Variants in RB1CC1 observed in about 807,000 individuals in gnomAD.
The protein encoded by RB1CC1 is RB1 inducible coiled-coil 1.
RB1CC1 carries 46 observed loss-of-function variants against 177.5 expected under a neutral mutation model. The ratio of observed to expected loss-of-function variants is 0.26; its 90% CI spans 0.20 to 0.33. The LOEUF (loss-of-function observed/expected upper bound fraction) is 0.33, where lower values mean the gene tolerates loss of function less well. RB1CC1 is among the 10% of genes least tolerant of loss of function. The pLI is 1.00. For missense variants in RB1CC1, 1,703 were observed against 1,816.3 expected (o/e 0.94, Z 1.13); for synonymous variants, 666 against 613.6 (o/e 1.09, Z -1.26).
chr8:52,692,650 A>C (rs1185215400), intron 1 of RB1CC1, among the ~76,000 whole-genome samples: 1 of 152,208 alleles, frequency 6.6e-6, no homozygotes, highest in Non-Finnish European at 1.5e-5. Flanking sequence ...TGAACATACT[A>C]CATTAAAATC....
intron 6 of RB1CC1, among the ~76,000 whole-genome samples, 184 bp from the exon 7 acceptor site, chr8:52,674,458 A>G (rs1852897707): frequency 6.6e-6 from 1 of 152,186 alleles, no homozygotes; most frequent in Non-Finnish European, 1.5e-5. Flanking sequence ...GAGAGAGGCT[A>G]TCGTTAACCC....
At chr8:52,631,407 T>C (rs767240936) in intron 20 of RB1CC1, among the ~76,000 whole-genome samples, 17 of 152,110 alleles carry the variant, frequency 1.1e-4, no homozygotes, top group Non-Finnish European at 2.1e-4. Flanking sequence ...AGGCAGAGGT[T>C]AGAAGTATAA....
intron 6 of RB1CC1, among the ~76,000 whole-genome samples, chr8:52,675,492 A>G (rs1328395220): frequency 1.3e-5 from 2 of 152,122 alleles, no homozygotes; most frequent in African/African-American, 4.8e-5. Flanking sequence ...CAGGTTAACT[A>G]CAGCCCTTTT....
chr8:52,683,603 A>G lies in RB1CC1; in HGVS notation c.315T>C (p.Ser105=). 1 of 1,611,666 alleles carries G rather than the reference A, an allele frequency of 6.2e-7. No individual in the cohort carries two copies. The highest frequency in any genetic ancestry group is 1.7e-5 in the Admixed American group (1 of 59,532). The change falls in exon 5 of 24, where the codon TCT becomes TCC. Residue 105 remains serine, a synonymous_variant. Coordinates refer to ENST00000025008, the MANE Select transcript of RB1CC1 (RefSeq NM_014781.5). ...ENDMEIKVEE[S]LMMPAVFHTV... ...TATGAAAAACTGCAGGCATCATAAGAGATTCTTCAACTTTTATTTCCATGT... is the reference window on the plus strand; with the variant it reads ...TATGAAAAACTGCAGGCATCATAAGGGATTCTTCAACTTTTATTTCCATGT...
intron 1 of RB1CC1, among the ~76,000 whole-genome samples, chr8:52,708,537 CAAACA>C (rs1366180752): frequency 4.7e-5 from 7 of 149,766 alleles, no homozygotes. Flanking sequence ...AACAAACAAA[CAAACA>C]AAAGTCCAAG....
chr8:52,656,217 T>C lies in RB1CC1; in HGVS notation c.3612A>G (p.Lys1204=). Residue 1204 remains lysine, a synonymous_variant, in exon 15 of 24, where the codon AAA becomes AAG. Coordinates refer to ENST00000025008, the MANE Select transcript of RB1CC1 (RefSeq NM_014781.5). ...KDEKITQQEE[K]YEAIIQNLEK... ...CAAGGTTCTGGATAATAGCTTCGTA[T>C]TTCTCTTCTTGTTGGGTAATTTTTT... is the stretch of plus-strand genomic sequence containing the variant. 1.9e-6 allele frequency: 3 copies of C among 1,613,540 alleles called. No individual in the cohort carries two copies. Among genetic ancestry groups the C allele is most frequent in the Non-Finnish European group, 2.5e-6 (3 of 1,179,840 alleles).
At chr8:52,664,478 T>C (rs1851892974) in intron 8 of RB1CC1, among the ~76,000 whole-genome samples, 1 of 152,188 alleles carries the variant, frequency 6.6e-6, no homozygotes, top group African/African-American at 2.4e-5. Flanking sequence ...AAAGTAACAA[T>C]ATTACCTATA....
intron 18 of RB1CC1, among the ~76,000 whole-genome samples, chr8:52,638,878 A>G (rs1849352296): frequency 6.6e-6 from 1 of 152,150 alleles, no homozygotes; most frequent in Non-Finnish European, 1.5e-5. Flanking sequence ...GTAGATTTCC[A>G]TATATATCCA....
At chr8:52,661,037 A>AACAT in intron 10 of RB1CC1, 30 bp from the exon 11 acceptor site, 1 of 1,611,430 alleles carries the variant, frequency 6.2e-7, no homozygotes, top group Non-Finnish European at 8.5e-7. Flanking sequence ...GTTAAACATA[A>AACAT]ACATACACCA....
chr8:52,652,707 A>G (rs1170097289), intron 15 of RB1CC1, among the ~76,000 whole-genome samples: 1 of 152,152 alleles, frequency 6.6e-6, no homozygotes, highest in Non-Finnish European at 1.5e-5. Context: ...AGATTATATG[A>G]ATAAGTCTGT....
chr8:52,651,554 A>G (rs890866172), intron 15 of RB1CC1, among the ~76,000 whole-genome samples: 3 of 152,254 alleles, frequency 2.0e-5, no homozygotes, highest in African/African-American at 7.2e-5. Flanking sequence ...GGACAAGTGA[A>G]GTCAGAACTG....
intron 7 of RB1CC1, among the ~76,000 whole-genome samples, chr8:52,670,233 G>A (rs1331507280): frequency 1.3e-5 from 2 of 152,140 alleles, no homozygotes; most frequent in African/African-American, 4.8e-5. Context: ...GTGCCCAGCT[G>A]ACTTCCTAAA....
At position 52,642,790 on chromosome 8, in the gene RB1CC1, G is replaced by A; in HGVS notation, c.4010C>T (p.Thr1337Ile). 2 of 1,561,612 alleles carry A rather than the reference G, an allele frequency of 1.3e-6. No homozygotes were observed. The highest frequency in any genetic ancestry group is 1.2e-5 in the South Asian group (1 of 81,120). Residue 1337 changes from threonine to isoleucine, a missense_variant, in exon 17 of 24, where the codon ACA becomes ATA. By Grantham distance (89) the Thr-to-Ile change is moderately conservative. Transcript: ENST00000025008. ...EQQTNFNTVL[T>I]REKMRKENII... The stretch of plus-strand genomic sequence containing the variant: ...GTTTTCTTTTCTCATTTTCTCTCTT[G>A]TTAAAACAGTGTTAAAATTGGTCTG...
chr8:52,691,323 G>A (rs1319720217), intron 1 of RB1CC1, among the ~76,000 whole-genome samples: 1 of 152,130 alleles, frequency 6.6e-6, no homozygotes, highest in Admixed American at 6.5e-5. Flanking sequence ...GCAGCTGTGT[G>A]CCTTTAAACA....
chr8:52,647,052 T>C (rs1429437123), intron 15 of RB1CC1, among the ~76,000 whole-genome samples: 1 of 152,188 alleles, frequency 6.6e-6, no homozygotes, highest in Non-Finnish European at 1.5e-5. Context: ...TGGGCATGTA[T>C]TTAAAATGTT....
intron 1 of RB1CC1, 120 bp from the exon 2 acceptor site, chr8:52,687,087 C>G (rs1854336888): frequency 2.7e-6 from 1 of 369,066 alleles, no homozygotes; most frequent in South Asian, 2.1e-5. Context: ...TCAGGCCCTT[C>G]TACTTGCACA....
chr8:52,682,547 TTC>T (rs1262111180), intron 5 of RB1CC1, among the ~76,000 whole-genome samples: 2 of 152,318 alleles, frequency 1.3e-5, no homozygotes, highest in East Asian at 1.9e-4. Flanking sequence ...ATTTTATCTT[TTC>T]TTTTTACTTT....
chr8:52,641,966 T>A (rs1233174323), intron 18 of RB1CC1, among the ~76,000 whole-genome samples: 2 of 151,938 alleles, frequency 1.3e-5, no homozygotes, highest in African/African-American at 4.8e-5. Flanking sequence ...AAACAAATAA[T>A]AATAATAATA....
chr8:52,713,069 A>G (rs1255081544), intron 1 of RB1CC1, among the ~76,000 whole-genome samples: 2 of 152,220 alleles, frequency 1.3e-5, no homozygotes, highest in Non-Finnish European at 2.9e-5. Flanking sequence ...GTCCAAACTT[A>G]TGTATAAATC....
Sources: allele counts gnomAD v4.1 joint callset (sites outside exome capture counted in the v4.1 genomes callset), GRCh38; gene constraint gnomAD v4.1.1; transcripts MANE v1.5; gene names NCBI Gene and HGNC (gene_info 2026-07-23, HGNC 2026-07-21).